CNTNAP5: variants seen among roughly 807,000 people sequenced by gnomAD.
CNTNAP5 encodes the protein contactin associated protein family member 5, also known as contactin-associated protein-like 5.
CNTNAP5 carries 72 observed loss-of-function variants against 150.2 expected under a neutral mutation model. The observed-to-expected ratio is 0.48, with a 90% CI of 0.40 to 0.58. The LOEUF (loss-of-function observed/expected upper bound fraction) is 0.58. CNTNAP5 is among the 20% of genes least tolerant of loss of function. CNTNAP5 has a pLI of 0.00. For missense variants in CNTNAP5, 1,636 were observed against 1,626.2 expected (o/e 1.01, Z -0.10); for synonymous variants, 672 against 619.8 (o/e 1.08, Z -1.25).
chr2:124,520,790 G>A (rs1238478203), intron 8 of CNTNAP5, among the ~76,000 whole-genome samples: 1 of 152,124 alleles, frequency 6.6e-6, no homozygotes, highest in Admixed American at 6.5e-5. Flanking sequence ...CATTGGACAC[G>A]TCTATTCTTT....
intron 19 of CNTNAP5, among the ~76,000 whole-genome samples, chr2:124,849,216 T>A (rs1683107449): frequency 2.0e-5 from 3 of 152,174 alleles, no homozygotes; most frequent in Admixed American, 2.0e-4. Flanking sequence ...TCCAACACCA[T>A]TTATTAAAGA....
Position 124,816,187 on chromosome 2 carries a change from G to A in CNTNAP5, c.3217+17867G>A, listed in dbSNP as rs575763337. Among the ~76,000 whole-genome samples, 86 of 152,256 alleles carry A rather than the reference G, an allele frequency of 5.6e-4. 2 individuals are homozygous for A. In the South Asian group the frequency reaches 0.017, roughly 30 times the overall value. ...AATGTGCTGGATTAGAAGAGCAAAC[G>A]TTTCTTATCTCACAGTTCCCTTGGG... On this transcript the variant is annotated intron_variant, in intron 19 of 23. Transcript: ENST00000682447.
chr2:124,259,385 G>C (rs536684909), intron 3 of CNTNAP5, among the ~76,000 whole-genome samples: 1 of 152,196 alleles, frequency 6.6e-6, no homozygotes, highest in Admixed American at 6.5e-5. Context: ...TAATGGGATG[G>C]CTGTGTCAAA....
chr2:124,334,021 C>T (rs1689412465), intron 3 of CNTNAP5, among the ~76,000 whole-genome samples: 1 of 152,052 alleles, frequency 6.6e-6, no homozygotes, highest in Non-Finnish European at 1.5e-5. Context: ...CTCCTAAAAA[C>T]CCAAAAGATC....
rs554104106 is a variant in CNTNAP5, at chr2:124,128,639, T to C, written c.83-93066T>C. On this transcript the variant is annotated intron_variant, in intron 1 of 23. Transcript: ENST00000682447. ...ATGTTTATTGCGGCACTATTCACAA[T>C]AGAAAAGACTTGGAACCAACCCAAA... Among the ~76,000 whole-genome samples the C allele has an allele frequency of 1.4e-3, 215 of 152,186 alleles. 2 individuals are homozygous for C. The highest frequency in any genetic ancestry group is 3.9e-3 in the South Asian group (19 of 4,822).
At chr2:124,394,674 T>C (rs1691202801) in intron 3 of CNTNAP5, among the ~76,000 whole-genome samples, 1 of 152,216 alleles carries the variant, frequency 6.6e-6, no homozygotes, top group Admixed American at 6.5e-5. Flanking sequence ...AGCTCTCTTA[T>C]AAACCCAGTG....
chr2:124,715,160 G>C (rs974721583), intron 13 of CNTNAP5, among the ~76,000 whole-genome samples: 1 of 152,168 alleles, frequency 6.6e-6, no homozygotes. Flanking sequence ...TCACTGAAGA[G>C]AATGCCATCT....
At chr2:124,477,007 G>A (rs188508364) in intron 7 of CNTNAP5, among the ~76,000 whole-genome samples, 24 of 152,166 alleles carry the variant, frequency 1.6e-4, no homozygotes, top group South Asian at 2.1e-4. Context: ...TTTTGGTCCC[G>A]AGATTTTTAT....
At chr2:124,670,678 T>C (rs1235449964) in intron 13 of CNTNAP5, among the ~76,000 whole-genome samples, 1 of 147,242 alleles carries the variant, frequency 6.8e-6, no homozygotes, top group Non-Finnish European at 1.5e-5. Flanking sequence ...ATGTCAAAGC[T>C]AAAATCCACC....
intron 3 of CNTNAP5, among the ~76,000 whole-genome samples, chr2:124,317,960 C>T (rs969644120): frequency 6.6e-6 from 1 of 152,078 alleles, no homozygotes; most frequent in Non-Finnish European, 1.5e-5. Flanking sequence ...TTAAAAATTG[C>T]AGTGTGAGTG....
intron 12 of CNTNAP5, among the ~76,000 whole-genome samples, chr2:124,636,943 A>C (rs1677983486): frequency 6.6e-6 from 1 of 152,126 alleles, no homozygotes; most frequent in African/African-American, 2.4e-5. Flanking sequence ...ATTTTAAAAA[A>C]ATTTTTACGG....
At chr2:124,446,361 T>A (rs1190700588) in intron 5 of CNTNAP5, among the ~76,000 whole-genome samples, 2 of 152,154 alleles carry the variant, frequency 1.3e-5, no homozygotes, top group African/African-American at 4.8e-5. Flanking sequence ...ATCCCAGCTT[T>A]ACTCCTCCTC....
chr2:124,817,536 G>A (rs1035958572), intron 19 of CNTNAP5, among the ~76,000 whole-genome samples: 1 of 152,116 alleles, frequency 6.6e-6, no homozygotes, highest in African/African-American at 2.4e-5. Context: ...TGATGTTTAA[G>A]TCTATTCTAA....
At chr2:124,616,290 AC>A (rs1677492125) in intron 12 of CNTNAP5, among the ~76,000 whole-genome samples, 1 of 152,226 alleles carries the variant, frequency 6.6e-6, no homozygotes, top group African/African-American at 2.4e-5. Context: ...TGGGTAACTT[AC>A]ATCAGCACTT....
intron 1 of CNTNAP5, among the ~76,000 whole-genome samples, chr2:124,116,684 T>G (rs990569161): frequency 6.6e-6 from 1 of 152,244 alleles, no homozygotes. Flanking sequence ...ATGTGGGTCA[T>G]GTTTTTATTG....
chr2:124,810,136 A>T (rs2104655522), intron 19 of CNTNAP5, among the ~76,000 whole-genome samples: 1 of 152,308 alleles, frequency 6.6e-6, no homozygotes, highest in Admixed American at 6.5e-5. Context: ...TCTACTTGAT[A>T]TGCATGCATT....
Position 124,772,825 on chromosome 2 carries a change from G to A in CNTNAP5, c.2560G>A (p.Asp854Asn). Residue 854 changes from aspartate (D) to asparagine (N), a missense_variant, in exon 17 of 24, where the codon GAT becomes AAT. Physicochemically the swap from Asp to Asn is conservative, Grantham distance 23. Coordinates refer to ENST00000682447, the MANE Select transcript of CNTNAP5 (RefSeq NM_001367498.1). ...SSPSEITFAI[D>N]VGNGPVELVV... ...TCCTTCAGAGATCACCTTTGCCATC[G>A]ATGTTGGGAATGGTCCTGTGGAGCT... is the stretch of plus-strand genomic sequence containing the variant. The A allele has an allele frequency of 6.2e-7, 1 of 1,613,562 alleles. No homozygotes were observed. Among genetic ancestry groups the A allele is most frequent in the Non-Finnish European group, 8.5e-7 (1 of 1,179,670 alleles).
chr2:124,915,773 A>G lies in CNTNAP5; in HGVS notation c.*1485A>G, dbSNP rs772264889. ...GAGCTCATCCATGGGGTGGCGGTAA[A>G]GATCTTAATGATTTTTCTGTGGCAA... On this transcript the variant is annotated 3_prime_UTR_variant, in exon 24 of 24. Transcript: ENST00000682447. Among the ~76,000 whole-genome samples, 157 of 152,172 alleles carry G rather than the reference A, an allele frequency of 1.0e-3. 2 individuals are homozygous for G. The highest frequency in any genetic ancestry group is 1.9e-3 in the Non-Finnish European group (129 of 67,966).
At chr2:124,585,203 C>A (rs150860710) in intron 11 of CNTNAP5, among the ~76,000 whole-genome samples, 1 of 152,290 alleles carries the variant, frequency 6.6e-6, no homozygotes, top group African/African-American at 2.4e-5. Flanking sequence ...TATGTTATCA[C>A]TCCATTTCCT....
Sources: gnomAD v4.1 joint callset for allele counts (sites outside exome capture counted in the v4.1 genomes callset) on GRCh38, gnomAD v4.1.1 for gene constraint, MANE v1.5 for transcripts, NCBI Gene and HGNC (gene_info 2026-07-23, HGNC 2026-07-21) for gene names.